Variants in RAB3C observed in about 807,000 individuals in gnomAD.
The protein encoded by RAB3C is RAB3C, member RAS oncogene family.
Under a neutral mutation model 26.4 loss-of-function variants are expected in RAB3C, and 17 were observed. The ratio of observed to expected loss-of-function variants is 0.64; its 90% confidence interval spans 0.44 to 0.97. The LOEUF (loss-of-function observed/expected upper bound fraction) is 0.97. Ranked by LOEUF, RAB3C falls within the 50% of genes least tolerant of loss-of-function variation. The pLI is 0.00. For missense variants in RAB3C, 242 were observed against 281.9 expected (o/e 0.86, Z 1.01); for synonymous variants, 91 against 95.9 (o/e 0.95, Z 0.30).
At chr5:58,655,999 G>A (rs1561280245) in intron 2 of RAB3C, among the ~76,000 whole-genome samples, 3 of 151,716 alleles carry the variant, frequency 2.0e-5, no homozygotes, top group Admixed American at 6.6e-5. Flanking sequence ...GGGTTTCACC[G>A]TGGTCTCGAT....
At position 58,798,921 on chromosome 5, in the gene RAB3C, T is replaced by C. The variant is rs948419534; in HGVS notation, c.372-26117T>C. 1.3e-5 allele frequency among the ~76,000 whole-genome samples: 2 copies of C among 152,084 alleles called. 1 individual carries two copies. On this transcript the variant is annotated intron_variant, in intron 3 of 4. Transcript: ENST00000282878. The stretch of plus-strand genomic sequence containing the variant: ...AACTAGCTTGGACTATCCAAAAATA[T>C]TAACATAATAAAAAATGAAAAAGTT...
intron 3 of RAB3C, among the ~76,000 whole-genome samples, chr5:58,793,498 A>C (rs1343576979): frequency 1.3e-5 from 2 of 150,512 alleles, no homozygotes; most frequent in Non-Finnish European, 3.0e-5. Flanking sequence ...CGGAGGTTGC[A>C]GTGAGCCAAG....
chr5:58,762,073 G>A (rs1202361191), intron 3 of RAB3C, among the ~76,000 whole-genome samples: 1 of 150,826 alleles, frequency 6.6e-6, no homozygotes, highest in Non-Finnish European at 1.5e-5. Flanking sequence ...AAAAAAATAG[G>A]TAAAATTAAA....
chr5:58,796,653 AG>A (rs1211971161), intron 3 of RAB3C, among the ~76,000 whole-genome samples: 1 of 152,238 alleles, frequency 6.6e-6, no homozygotes, highest in Non-Finnish European at 1.5e-5. Flanking sequence ...TACTACTCAT[AG>A]CTGAAGGCAA....
At chr5:58,622,538 T>C (rs981919817) in intron 2 of RAB3C, among the ~76,000 whole-genome samples, 1 of 152,174 alleles carries the variant, frequency 6.6e-6, no homozygotes, top group Non-Finnish European at 1.5e-5. Context: ...TTCCCAACTG[T>C]CTCACTACAG....
At chr5:58,626,272 T>G (rs917641425) in intron 2 of RAB3C, among the ~76,000 whole-genome samples, 2 of 152,206 alleles carry the variant, frequency 1.3e-5, no homozygotes, top group African/African-American at 4.8e-5. Context: ...TGGCTCAATA[T>G]GTAGGTATGA....
At chr5:58,609,995 C>T (rs1444085413) in intron 1 of RAB3C, among the ~76,000 whole-genome samples, 3 of 152,046 alleles carry the variant, frequency 2.0e-5, no homozygotes, top group Non-Finnish European at 4.4e-5. Flanking sequence ...TTGCAAAGCA[C>T]ATCACAATTC....
chr5:58,813,207 G>A (rs6875612), intron 3 of RAB3C, among the ~76,000 whole-genome samples: 2,330 of 152,158 alleles, frequency 0.015, 56 homozygotes, highest in African/African-American at 0.053. Flanking sequence ...CATAGGGCTG[G>A]CACAAAGATT....
intron 3 of RAB3C, among the ~76,000 whole-genome samples, chr5:58,804,900 AT>A (rs1472689860): frequency 6.6e-6 from 1 of 151,718 alleles, no homozygotes; most frequent in Non-Finnish European, 1.5e-5. Flanking sequence ...CACTTTCCTT[AT>A]TTTTTTAACA....
chr5:58,823,089 C>G (rs2675385), intron 3 of RAB3C: 1 of 501,358 alleles, frequency 2.0e-6, no homozygotes, highest in Non-Finnish European at 3.8e-6. Context: ...AATGCAGAAG[C>G]GCATGGGAAA....
chr5:58,596,914 A>G lies in RAB3C; in HGVS notation c.24+13682A>G, dbSNP rs1203042898. The stretch of plus-strand genomic sequence containing the variant: ...TATATAATATTATATTTTAATATAT[A>G]ATACATAATATATTATATATAAATA... On this transcript the variant is annotated intron_variant, in intron 1 of 4. Coordinates refer to ENST00000282878, the MANE Select transcript of RAB3C (RefSeq NM_138453.4). Among the ~76,000 whole-genome samples, 68 of 96,808 alleles carry G rather than the reference A, an allele frequency of 7.0e-4. 2 individuals carry two copies. In the East Asian group the frequency reaches 0.02, roughly 29 times the overall value. 63.5% of individuals were successfully genotyped at this position (96,808 alleles called of 152,430 possible).
At chr5:58,623,767 A>C (rs1042835012) in intron 2 of RAB3C, among the ~76,000 whole-genome samples, 7 of 152,166 alleles carry the variant, frequency 4.6e-5, no homozygotes, top group East Asian at 1.9e-4. Context: ...ACATAGAAGA[A>C]AGGATCAACC....
intron 4 of RAB3C, among the ~76,000 whole-genome samples, chr5:58,828,542 T>C (rs1743539633): frequency 6.6e-6 from 1 of 152,234 alleles, no homozygotes; most frequent in Admixed American, 6.5e-5. Flanking sequence ...ACCTCCAGAC[T>C]AATGACTGCC....
chr5:58,747,427 C>T (rs780609094), intron 3 of RAB3C, among the ~76,000 whole-genome samples: 6 of 152,040 alleles, frequency 3.9e-5, no homozygotes, highest in East Asian at 1.9e-4. Flanking sequence ...TGTACGCAAC[C>T]GGAGAATAGT....
At chr5:58,632,662 C>T (rs73759515) in intron 2 of RAB3C, among the ~76,000 whole-genome samples, 3,008 of 152,244 alleles carry the variant, frequency 0.02, 98 homozygotes, top group African/African-American at 0.067. Context: ...GCCTATTCTT[C>T]GAGTGGCTGT....
intron 1 of RAB3C, 75 bp downstream of exon 1, chr5:58,583,307 G>C: frequency 6.2e-7 from 1 of 1,604,350 alleles, no homozygotes; most frequent in East Asian, 2.2e-5. Flanking sequence ...CGCACAAGCA[G>C]TTCAACGTAA....
At chr5:58,818,341 C>T (rs758399835) in intron 3 of RAB3C, among the ~76,000 whole-genome samples, 51 of 152,188 alleles carry the variant, frequency 3.4e-4, no homozygotes, top group South Asian at 8.3e-4. Context: ...TGTGAAACAT[C>T]ATAAAATATC....
intron 3 of RAB3C, among the ~76,000 whole-genome samples, chr5:58,803,783 G>A (rs548197112): frequency 6.6e-5 from 10 of 152,236 alleles, no homozygotes; most frequent in South Asian, 2.1e-4. Context: ...ATTCTTGGCC[G>A]GGCACAGTGG....
chr5:58,590,186 T>C (rs1272509098), intron 1 of RAB3C, among the ~76,000 whole-genome samples: 1 of 152,240 alleles, frequency 6.6e-6, no homozygotes, highest in African/African-American at 2.4e-5. Flanking sequence ...ATTTTTCTAT[T>C]TCATTGTGAG....
Sources: gnomAD v4.1 joint callset for allele counts (sites outside exome capture counted in the v4.1 genomes callset) on GRCh38, gnomAD v4.1.1 for gene constraint, MANE v1.5 for transcripts, NCBI Gene and HGNC (gene_info 2026-07-23, HGNC 2026-07-21) for gene names.